The following C1orf21 variants were observed in gnomAD, a reference collection of about 807,000 sequenced individuals.
C1orf21 encodes chromosome 1 open reading frame 21, also known as uncharacterized protein C1orf21.
In C1orf21, 3 loss-of-function variants were observed where a neutral mutation model predicts 18.7. The observed-to-expected ratio is 0.16, with a 90% CI of 0.07 to 0.42. C1orf21 has a LOEUF of 0.42. Among genes scored for constraint, C1orf21 ranks in the 10% least tolerant of loss-of-function variants. The pLI, the probability that C1orf21 is intolerant of heterozygous loss-of-function variation, is 0.99. For missense variants in C1orf21, 104 were observed against 143.6 expected (o/e 0.72, Z 1.41); for synonymous variants, 41 against 46.4 (o/e 0.88, Z 0.47).
intron 5 of C1orf21, among the ~76,000 whole-genome samples, chr1:184,603,034 A>G (rs1160690194): frequency 1.3e-5 from 2 of 152,250 alleles, no homozygotes; most frequent in Non-Finnish European, 2.9e-5. Flanking sequence ...GACTCTCCCT[A>G]TGAAAATGCA....
chr1:184,573,302 A>G (rs1341953196), intron 3 of C1orf21, among the ~76,000 whole-genome samples: 1 of 152,168 alleles, frequency 6.6e-6, no homozygotes, highest in Non-Finnish European at 1.5e-5. Context: ...ACATCATTCT[A>G]TTCATACCAT....
intron 3 of C1orf21, among the ~76,000 whole-genome samples, chr1:184,588,208 G>A (rs116106320): frequency 6.6e-6 from 1 of 152,164 alleles, no homozygotes; most frequent in African/African-American, 2.4e-5. Context: ...AAAGAGTAAG[G>A]GAGCCTGACA....
At chr1:184,485,083 T>A (rs953612541) in intron 2 of C1orf21, among the ~76,000 whole-genome samples, 3 of 152,202 alleles carry the variant, frequency 2.0e-5, no homozygotes, top group African/African-American at 7.2e-5. Context: ...AATTTTTGAT[T>A]GCATTCAGCG....
intron 2 of C1orf21, among the ~76,000 whole-genome samples, chr1:184,485,582 G>A (rs1231566078): frequency 2.0e-5 from 3 of 152,080 alleles, no homozygotes; most frequent in African/African-American, 7.2e-5. Context: ...CTCATTTTCT[G>A]CTTGGAATCT....
At chr1:184,527,542 G>C (rs1264586272) in intron 3 of C1orf21, among the ~76,000 whole-genome samples, 1 of 152,256 alleles carries the variant, frequency 6.6e-6, no homozygotes, top group South Asian at 2.1e-4. Flanking sequence ...AGAGGCCAGG[G>C]ACTTAAAAGA....
intron 1 of C1orf21, among the ~76,000 whole-genome samples, chr1:184,472,317 A>G (rs1235852773): frequency 1.3e-5 from 2 of 152,128 alleles, no homozygotes; most frequent in Non-Finnish European, 2.9e-5. Context: ...TGCTGACTTC[A>G]TAGCTCTCTG....
rs141619185 is a variant in C1orf21 at position 184,417,053 on chromosome 1, G to T, written c.-125+29685G>T. The stretch of plus-strand genomic sequence containing the variant: ...CCTATGATTCCTTCAAGGAAGGAAT[G>T]ATTGAATGAATGAAAATCTCTTGTG... On this transcript the variant is annotated intron_variant, in intron 1 of 5. Coordinates refer to ENST00000235307, the MANE Select transcript of C1orf21 (RefSeq NM_030806.4). Among the ~76,000 whole-genome samples the T allele has an allele frequency of 1.3e-4, 20 of 152,276 alleles. No homozygotes were observed. In the East Asian group the frequency reaches 3.3e-3, roughly 25 times the overall value.
rs114591140 is a variant in C1orf21 at position 184,580,118 on chromosome 1, T to C, written c.190-10621T>C. Among the ~76,000 whole-genome samples, 548 of 151,972 alleles carry C rather than the reference T, an allele frequency of 3.6e-3. 5 individuals carry two copies. The highest frequency in any genetic ancestry group is 0.013 in the African/African-American group (524 of 41,252). On this transcript the variant is annotated intron_variant, in intron 3 of 5. Transcript: ENST00000235307. The stretch of plus-strand genomic sequence containing the variant: ...CTCCAGAAAGTCAACAAGCAAAATG[T>C]CTTGAACATCCCTAAAAATTTTTGC...
chr1:184,596,777 A>G (rs1035312876), intron 4 of C1orf21, among the ~76,000 whole-genome samples: 2 of 151,730 alleles, frequency 1.3e-5, no homozygotes, highest in South Asian at 4.2e-4. Context: ...AGGCTGAGGC[A>G]GGAGAATTGC....
At chr1:184,573,353 A>T (rs1659141080) in intron 3 of C1orf21, among the ~76,000 whole-genome samples, 1 of 152,222 alleles carries the variant, frequency 6.6e-6, no homozygotes. Context: ...AAAATACAGT[A>T]ATTCTCAATC....
intron 2 of C1orf21, among the ~76,000 whole-genome samples, chr1:184,487,500 C>T (rs957519645): frequency 2.0e-5 from 3 of 152,212 alleles, no homozygotes; most frequent in Non-Finnish European, 2.9e-5. Context: ...GCTACAATGG[C>T]AGATGCTGAC....
chr1:184,389,619 A>G (rs1571336156), intron 1 of C1orf21, among the ~76,000 whole-genome samples: 1 of 152,258 alleles, frequency 6.6e-6, no homozygotes, highest in Non-Finnish European at 1.5e-5. Context: ...ACTAAGGAGG[A>G]AGGTGGTTTG....
chr1:184,577,107 G>A (rs1249223276), intron 3 of C1orf21, among the ~76,000 whole-genome samples: 2 of 151,422 alleles, frequency 1.3e-5, no homozygotes, highest in Non-Finnish European at 2.9e-5. Context: ...AATATATTAT[G>A]TTACATGGTA....
At chr1:184,612,085 G>A (rs1436933907) in intron 5 of C1orf21, among the ~76,000 whole-genome samples, 1 of 152,162 alleles carries the variant, frequency 6.6e-6, no homozygotes, top group Non-Finnish European at 1.5e-5. Flanking sequence ...CAGTGACTGT[G>A]TTATTAGAAA....
At chr1:184,450,016 AG>A (rs1657099068) in intron 1 of C1orf21, among the ~76,000 whole-genome samples, 1 of 152,158 alleles carries the variant, frequency 6.6e-6, no homozygotes, top group Non-Finnish European at 1.5e-5. Context: ...CACAAGACGG[AG>A]GGAGGTATTT....
intron 2 of C1orf21, among the ~76,000 whole-genome samples, chr1:184,491,209 C>T (rs1314814385): frequency 3.9e-5 from 6 of 152,246 alleles, no homozygotes; most frequent in African/African-American, 1.2e-4. Flanking sequence ...AGCACATTTT[C>T]ATCTTTATGA....
At chr1:184,578,160 G>A (rs753975819) in intron 3 of C1orf21, among the ~76,000 whole-genome samples, 5 of 151,700 alleles carry the variant, frequency 3.3e-5, no homozygotes, top group Non-Finnish European at 5.9e-5. Context: ...GTTTCACTGC[G>A]TTGTTCAGGC....
intron 3 of C1orf21, among the ~76,000 whole-genome samples, chr1:184,533,341 A>G (rs1202341701): frequency 6.6e-6 from 1 of 152,038 alleles, no homozygotes; most frequent in East Asian, 1.9e-4. Flanking sequence ...TGTTTGCTCT[A>G]GGCCCCTACT....
At chr1:184,559,935 A>C (rs970232807) in intron 3 of C1orf21, among the ~76,000 whole-genome samples, 1 of 152,028 alleles carries the variant, frequency 6.6e-6, no homozygotes, top group African/African-American at 2.4e-5. Flanking sequence ...TATTTTTTGT[A>C]GACACAGGGT....
Sources: gnomAD v4.1 joint callset for allele counts (sites outside exome capture counted in the v4.1 genomes callset) on GRCh38, gnomAD v4.1.1 for gene constraint, MANE v1.5 for transcripts, NCBI Gene and HGNC (gene_info 2026-07-23, HGNC 2026-07-21) for gene names.